The following MUC5B variants were observed in gnomAD, a reference collection of about 807,000 sequenced individuals.
The protein encoded by MUC5B is mucin 5B, oligomeric mucus/gel-forming, also known as mucin-5B.
A neutral mutation model predicts 376.9 loss-of-function variants in MUC5B; 116 were observed. The observed-to-expected ratio is 0.31, with a 90% CI of 0.26 to 0.36. The LOEUF is 0.36. Among genes scored for constraint, MUC5B ranks in the 10% least tolerant of loss-of-function variants. MUC5B has a pLI of 1.00. For synonymous variants in MUC5B, 3,517 were observed against 3,390.9 expected (o/e 1.04, Z -1.29); for missense variants, 7,165 against 7,769.9 (o/e 0.92, Z 2.93).
intron 34 of MUC5B, 117 bp downstream of exon 34, chr11:1,254,468 T>C: frequency 7.0e-7 from 1 of 1,435,188 alleles, no homozygotes; most frequent in Non-Finnish European, 9.3e-7. Flanking sequence ...CCAAGACAGC[T>C]CCCAGGGGGC....
In MUC5B at chr11:1,241,729, G is replaced by C. The variant is rs1172200899; in HGVS notation, c.4849G>C (p.Glu1617Gln). The change falls in exon 31 of 49, where the codon GAG (glutamate) becomes CAG (glutamine). Residue 1617 changes from glutamate to glutamine, a missense_variant. Physicochemically the swap from Glu to Gln is conservative, Grantham distance 29. Transcript: ENST00000529681. Reference sequence around the variant, plus strand: ...AACCCCGCCACCGACCACAGAGCTGGAGACGGCCACCACCACCACCACCCA... The same window carrying C: ...AACCCCGCCACCGACCACAGAGCTGCAGACGGCCACCACCACCACCACCCA... The part of the protein sequence containing the change: ...ATTPPPTTEL[E>Q]TATTTTTQAL... 1.9e-6 allele frequency: 3 copies of C among 1,612,208 alleles called. No individual in the cohort carries two copies. Among genetic ancestry groups the C allele is most frequent in the Non-Finnish European group, 2.5e-6 (3 of 1,179,634 alleles).
chr11:1,232,920 C>G, intron 17 of MUC5B, 93 bp from the exon 18 acceptor site: 7 of 1,465,530 alleles, frequency 4.8e-6, no homozygotes, highest in Non-Finnish European at 6.3e-6. Flanking sequence ...CCCTTGCGAT[C>G]CCCACGTCAC....
Position 1,249,707 on chromosome 11 carries a change from C to G in MUC5B, c.12827C>G (p.Ala4276Gly). The change falls in exon 31 of 49, where the codon GCT (alanine) becomes GGT (glycine). Residue 4276 changes from alanine (A) to glycine (G), a missense_variant. Physicochemically the swap from Ala to Gly is moderately conservative, Grantham distance 60. This residue lies in a region of MUC5B where 431 missense variants were observed against 390.4 expected (regional missense o/e 1.10). Transcript: ENST00000529681. ...ACCCCGTCCTCCACCCCGGGAACAGCTCCCCCTCCCAAAGTGCTGACCAGC... is the reference window on the plus strand; with the variant it reads ...ACCCCGTCCTCCACCCCGGGAACAGGTCCCCCTCCCAAAGTGCTGACCAGC... Reference protein sequence around the residue: ...TATPSSTPGTAPPPKVLTSPA... With the variant: ...TATPSSTPGTGPPPKVLTSPA... 6.2e-7 allele frequency: 1 copy of G among 1,610,164 alleles called. No homozygotes were observed. Among genetic ancestry groups the G allele is most frequent in the Non-Finnish European group, 8.5e-7 (1 of 1,177,864 alleles).
intron 48 of MUC5B, 49 bp downstream of exon 48, chr11:1,260,777 C>A: frequency 7.3e-7 from 1 of 1,371,852 alleles, no homozygotes; most frequent in Non-Finnish European, 1.0e-6. Flanking sequence ...TGTGGTGGGT[C>A]CGCCCTGGCC....
intron 2 of MUC5B, 42 bp from the exon 3 acceptor site, chr11:1,226,163 C>A (rs749459434): frequency 9.8e-6 from 15 of 1,524,366 alleles, no homozygotes; most frequent in Non-Finnish European, 8.8e-7. Flanking sequence ...TCTGCTTCCC[C>A]TTCCTGGCCA....
Position 1,242,627 on chromosome 11 carries a change from C to T in MUC5B, c.5747C>T (p.Thr1916Met), listed in dbSNP as rs772902423. Residue 1916 changes from threonine to methionine, a missense_variant, in exon 31 of 49, where the codon ACG (threonine) becomes ATG (methionine). Physicochemically the swap from Thr to Met is moderately conservative, Grantham distance 81. This residue lies in a region of MUC5B where 897 missense variants were observed against 779.6 expected (regional missense o/e 1.15). Coordinates refer to ENST00000529681, the MANE Select transcript of MUC5B (RefSeq NM_002458.3). ...ILTKPTTTAT[T>M]TASTGSTATP... is the part of the protein sequence containing the mutation. ...ACAAAGCCGACCACAACAGCCACTACGACTGCGTCCACTGGATCCACGGCC... is the reference window on the plus strand; with the variant it reads ...ACAAAGCCGACCACAACAGCCACTATGACTGCGTCCACTGGATCCACGGCC... The T allele has an allele frequency of 5.0e-5, 80 of 1,613,712 alleles. No homozygotes were observed. The highest frequency in any genetic ancestry group is 1.3e-4 in the South Asian group (12 of 91,080).
intron 46 of MUC5B, 28 bp downstream of exon 46, chr11:1,260,113 T>G: frequency 6.2e-7 from 1 of 1,608,862 alleles, no homozygotes; most frequent in Non-Finnish European, 8.5e-7. Flanking sequence ...TGCCCCTGCC[T>G]GGGAGTCCTT....
chr11:1,253,081 T>C lies in MUC5B; in HGVS notation c.15217+101T>C, dbSNP rs1227809908. The C allele has an allele frequency of 5.7e-5, 55 of 968,636 alleles. 1 individual carries two copies. The South Asian group carries it at 7.9e-4, about 14-fold the overall frequency. The allele number at this position is 968,636 out of a possible 1,614,324, so 60.0% of individuals were successfully genotyped here. ...TGGGGCATGGTGGGGCACAGTGGGGTGCAGTGGGGAATGGTGGGGCATGGT... is the reference window on the plus strand; with the variant it reads ...TGGGGCATGGTGGGGCACAGTGGGGCGCAGTGGGGAATGGTGGGGCATGGT... On this transcript the variant is annotated intron_variant, in intron 33 of 48. Coordinates refer to ENST00000529681, the MANE Select transcript of MUC5B (RefSeq NM_002458.3). This position sits in a 1 kb window ranked among gnomAD's most constrained non-coding sequence, Gnocchi z 4.3.
chr11:1,232,344 C>A (rs1024265833), intron 15 of MUC5B, 106 bp from the exon 16 acceptor site: 119 of 1,404,964 alleles, frequency 8.5e-5, no homozygotes, highest in Non-Finnish European at 1.1e-4. Context: ...AGGTGAGCCG[C>A]AAATTCCAAC....
chr11:1,224,290 G>A (rs1457184383), intron 1 of MUC5B, among the ~76,000 whole-genome samples: 1 of 152,150 alleles, frequency 6.6e-6, no homozygotes, highest in Non-Finnish European at 1.5e-5. Context: ...TGTGGCCGGG[G>A]AAGGCAGCCC....
chr11:1,253,013 G>T lies in MUC5B; in HGVS notation c.15217+33G>T. ...CGTCGGTGGCCGCGGGATTACCCCG[G>T]GGGCAGGTGGAGCAGAGTGCACCGT... On this transcript the variant is annotated intron_variant, in intron 33 of 48. Coordinates refer to ENST00000529681, the MANE Select transcript of MUC5B (RefSeq NM_002458.3). The surrounding 1 kb of genome is among the most constrained non-coding windows in gnomAD (Gnocchi z 4.3). 6 of 1,611,514 alleles carry T rather than the reference G, an allele frequency of 3.7e-6. No individual in the cohort carries two copies. Among genetic ancestry groups the T allele is most frequent in the Non-Finnish European group, 5.1e-6 (6 of 1,179,438 alleles).
chr11:1,224,270 A>C (rs147000004), intron 1 of MUC5B, among the ~76,000 whole-genome samples: 533 of 152,190 alleles, frequency 3.5e-3, no homozygotes, highest in Non-Finnish European at 6.4e-3. Context: ...TAGTCACCAG[A>C]TGCACGTCCT....
Position 1,246,772 on chromosome 11 carries a change from T to A in MUC5B, c.9892T>A (p.Ser3298Thr). 1.9e-6 allele frequency: 3 copies of A among 1,606,974 alleles called. No homozygotes were observed. The highest frequency in any genetic ancestry group is 2.5e-6 in the Non-Finnish European group (3 of 1,177,242). Reference sequence around the variant, plus strand: ...CACCGGCTCTGTGGCCACCCCCTCCTCCACCCCAGGAACAGCTCACACTAC... The same window carrying A: ...CACCGGCTCTGTGGCCACCCCCTCCACCACCCCAGGAACAGCTCACACTAC... Reference protein sequence around the residue: ...RATGSVATPSSTPGTAHTTKV... With the variant: ...RATGSVATPSTTPGTAHTTKV... Residue 3298 changes from serine (S) to threonine (T), a missense_variant, in exon 31 of 49, where the codon TCC (serine) becomes ACC (threonine). By Grantham distance (58) the Ser-to-Thr change is moderately conservative. Coordinates refer to ENST00000529681, the MANE Select transcript of MUC5B (RefSeq NM_002458.3).
Position 1,259,999 on chromosome 11 carries a change from T to G in MUC5B, c.16837T>G (p.Cys5613Gly). 1 of 1,612,976 alleles carries G rather than the reference T, an allele frequency of 6.2e-7. No individual in the cohort carries two copies. ...ETWVNSHVDNCTVYLCEAEGG... is the reference protein window; with the variant it reads ...ETWVNSHVDNGTVYLCEAEGG... ...CTGGGTCAACAGCCATGTGGACAACTGCACCGTGTACCTCTGTGAGGCTGA... is the reference window on the plus strand; with the variant it reads ...CTGGGTCAACAGCCATGTGGACAACGGCACCGTGTACCTCTGTGAGGCTGA... Residue 5613 changes from cysteine to glycine, a missense_variant, in exon 46 of 49, where the codon TGC (cysteine) becomes GGC (glycine). Transcript: ENST00000529681.
rs1862215479 is a variant in MUC5B at position 1,238,940 on chromosome 11, G to A, written c.3367G>A (p.Glu1123Lys). The change falls in exon 26 of 49, where the codon GAG becomes AAG. Residue 1123 changes from glutamate to lysine, a missense_variant. By Grantham distance (56) the Glu-to-Lys change is moderately conservative (BLOSUM62 1). Around this residue, in one of 31 missense-constraint regions of MUC5B, gnomAD observed 143 missense variants for 193.2 expected, o/e 0.74. Transcript: ENST00000529681. ...TGCCTGCGACTCGGGTGGCGACTGC[G>A]AGTGTTTCTGCACGGCTGTGGCTGC... ...ACACDSGGDC[E>K]CFCTAVAAYA... 1.3e-5 allele frequency: 20 copies of A among 1,575,942 alleles called. No homozygotes were observed. Among genetic ancestry groups the A allele is most frequent in the Non-Finnish European group, 1.7e-5 (20 of 1,161,146 alleles).
In MUC5B at chr11:1,258,889, C is replaced by T; in HGVS notation, c.16594-53C>T. 1 of 1,546,852 alleles carries T rather than the reference C, an allele frequency of 6.5e-7. No individual in the cohort carries two copies. The highest frequency in any genetic ancestry group is 8.7e-7 in the Non-Finnish European group (1 of 1,145,658). Reference sequence around the variant, plus strand: ...CCCCATTGGGTCATGGGGAGGGGTCCTGGCCCTGTTGCCCCACCAGTGCCC... The same window carrying T: ...CCCCATTGGGTCATGGGGAGGGGTCTTGGCCCTGTTGCCCCACCAGTGCCC... On this transcript the variant is annotated intron_variant, in intron 43 of 48. Coordinates refer to ENST00000529681, the MANE Select transcript of MUC5B (RefSeq NM_002458.3). This position sits in a 1 kb window ranked among gnomAD's most constrained non-coding sequence, Gnocchi z 5.5.
intron 12 of MUC5B, 90 bp from the exon 13 acceptor site, chr11:1,230,846 G>T (rs1307039400): frequency 1.3e-5 from 19 of 1,472,716 alleles, no homozygotes; most frequent in Non-Finnish European, 1.7e-5. Context: ...TCTGTCCCCA[G>T]TGGGGGCCCC....
chr11:1,240,439 C>A, intron 30 of MUC5B, 64 bp downstream of exon 30: 1 of 1,443,858 alleles, frequency 6.9e-7, no homozygotes, highest in Admixed American at 2.0e-5. Flanking sequence ...ACCCCCTGGG[C>A]TCTTAGTGCA....
chr11:1,255,308 C>T (rs1272910770), intron 36 of MUC5B, 42 bp downstream of exon 36: 16 of 1,508,142 alleles, frequency 1.1e-5, no homozygotes, highest in African/African-American at 2.8e-5. Flanking sequence ...GGGGCGCCCC[C>T]GCCCGCCCGC....
Sources: gnomAD v4.1 joint callset for allele counts (sites outside exome capture counted in the v4.1 genomes callset) on GRCh38, gnomAD v4.1.1 for gene constraint, gnomAD v4.1.1 regional missense constraint, Gnocchi (gnomAD v3.1) non-coding constraint, MANE v1.5 for transcripts, NCBI Gene and HGNC (gene_info 2026-07-23, HGNC 2026-07-21) for gene names.